TNS3: variants seen among roughly 807,000 people sequenced by gnomAD.
TNS3 encodes tensin 3.
In TNS3, 45 loss-of-function variants were observed where a neutral mutation model predicts 140.9. That is an observed-to-expected ratio of 0.32 (90% confidence interval 0.25 to 0.41). The LOEUF is 0.41. Among genes scored for constraint, TNS3 ranks in the 10% least tolerant of loss-of-function variants. The probability of loss-of-function intolerance (pLI) is 1.00; values close to 1 mark genes in which losing one functional copy is unlikely to be tolerated. For synonymous variants in TNS3, 815 were observed against 788.4 expected (o/e 1.03, Z -0.56); for missense variants, 1,716 against 1,906.7 (o/e 0.90, Z 1.86).
At chr7:47,287,994 T>G (rs190293707) in intron 27 of TNS3, among the ~76,000 whole-genome samples, 360 of 152,320 alleles carry the variant, frequency 2.4e-3, no homozygotes, top group Admixed American at 3.8e-3. Context: ...AGTTTTAATA[T>G]CTAAAAACAA....
intron 4 of TNS3, among the ~76,000 whole-genome samples, chr7:47,460,864 T>C (rs1395797979): frequency 6.6e-6 from 1 of 152,190 alleles, no homozygotes; most frequent in Non-Finnish European, 1.5e-5. Context: ...ATCCAACTAC[T>C]TTCAGCTCTT....
chr7:47,321,782 C>T (rs1787748611), intron 20 of TNS3, among the ~76,000 whole-genome samples: 1 of 152,116 alleles, frequency 6.6e-6, no homozygotes, highest in Non-Finnish European at 1.5e-5. Context: ...TCAAATAGAC[C>T]AAATTGTCCT....
In TNS3 at chr7:47,389,154, A is replaced by AAGAAGAAGAAGAAGAAGAAGCAGC. The variant is rs1340201271; in HGVS notation, c.1024+7645_1024+7646insGCTGCTTCTTCTTCTTCTTCTTCT. Among the ~76,000 whole-genome samples, 8 of 82,294 alleles carry AAGAAGAAGAAGAAGAAGAAGCAGC rather than the reference A, an allele frequency of 9.7e-5. 3 individuals are homozygous for AAGAAGAAGAAGAAGAAGAAGCAGC. Among genetic ancestry groups the AAGAAGAAGAAGAAGAAGAAGCAGC allele is most frequent in the African/African-American group, 3.4e-4 (8 of 23,746 alleles). The allele number at this position is 82,294 out of a possible 152,430, so 54.0% of individuals were successfully genotyped here. A position where few individuals can be genotyped will look rare whatever the true frequency, so the allele number is the denominator to read the frequency against. ...GAAGAAGAAGAAGAAGAAGAAGAAG[A>AAGAAGAAGAAGAAGAAGAAGCAGC]AGCAGAAGAAGCAGCAGAAGCAGAA... On this transcript the variant is annotated intron_variant, in intron 16 of 30. Transcript: ENST00000311160.
At chr7:47,494,668 GAC>G (rs377385738) in intron 3 of TNS3, among the ~76,000 whole-genome samples, 1 of 152,064 alleles carries the variant, frequency 6.6e-6, no homozygotes, top group Non-Finnish European at 1.5e-5. Context: ...AGGGTGCACA[GAC>G]ACACACACAG....
intron 8 of TNS3, among the ~76,000 whole-genome samples, chr7:47,433,727 C>T (rs536303700): frequency 6.6e-6 from 1 of 152,282 alleles, no homozygotes; most frequent in Non-Finnish European, 1.5e-5. Context: ...AGGCTCACAG[C>T]TCAGGAATGC....
At chr7:47,349,917 T>C (rs1407688925) in intron 17 of TNS3, among the ~76,000 whole-genome samples, 1 of 152,220 alleles carries the variant, frequency 6.6e-6, no homozygotes, top group Non-Finnish European at 1.5e-5. Flanking sequence ...TATCACTCCA[T>C]TAAGGCGGCC....
At chr7:47,392,084 A>G (rs1316171206) in intron 16 of TNS3, among the ~76,000 whole-genome samples, 1 of 152,276 alleles carries the variant, frequency 6.6e-6, no homozygotes, top group East Asian at 1.9e-4. Context: ...TTAAAACACC[A>G]TAGTGAGGCT....
chr7:47,380,714 T>C (rs1791700439), intron 16 of TNS3, among the ~76,000 whole-genome samples: 1 of 151,832 alleles, frequency 6.6e-6, no homozygotes. Flanking sequence ...GCCACACACA[T>C]GCACACACAC....
intron 9 of TNS3, among the ~76,000 whole-genome samples, chr7:47,426,172 C>T (rs1392795534): frequency 6.6e-6 from 1 of 152,044 alleles, no homozygotes; most frequent in Non-Finnish European, 1.5e-5. Flanking sequence ...ATCCCAGCTA[C>T]TTGAGAGGCT....
intron 15 of TNS3, among the ~76,000 whole-genome samples, chr7:47,397,500 A>G (rs567922743): frequency 9.3e-4 from 142 of 152,354 alleles, no homozygotes; most frequent in Non-Finnish European, 1.9e-3. Flanking sequence ...CTTTTGAAAT[A>G]TATTTTTTAG....
intron 5 of TNS3, among the ~76,000 whole-genome samples, chr7:47,441,617 C>T (rs1369524265): frequency 6.6e-6 from 1 of 152,192 alleles, no homozygotes; most frequent in Non-Finnish European, 1.5e-5. Flanking sequence ...AGAAATAAAG[C>T]GCTTCCTACG....
rs1471819010 is a variant in TNS3, at chr7:47,396,823, T to A, written c.1001A>T (p.Glu334Val). 6.2e-7 allele frequency: 1 copy of A among 1,614,038 alleles called. No individual in the cohort carries two copies. Among genetic ancestry groups the A allele is most frequent in the African/African-American group, 1.3e-5 (1 of 74,930 alleles). The change falls in exon 16 of 31, where the codon GAG becomes GTG. Residue 334 changes from glutamate (E) to valine (V), a missense_variant. By Grantham distance (121) the Glu-to-Val change is moderately radical. Around this residue, in one of 3 missense-constraint regions of TNS3, gnomAD observed 1,163 missense variants for 1,182.1 expected, o/e 0.98. Coordinates refer to ENST00000311160, the MANE Select transcript of TNS3 (RefSeq NM_022748.12). ...TDPLIRWDSY[E>V]NLSADGEVLH... Reference sequence around the variant, plus strand: ...ACCTTCTCCATCTGCACTGAGGTTCTCGTACGAGTCCCAGCGTATCAGTGG... The same window carrying A: ...ACCTTCTCCATCTGCACTGAGGTTCACGTACGAGTCCCAGCGTATCAGTGG...
rs1235218685 is a variant in TNS3 at position 47,368,397 on chromosome 7, C to T, written c.2249G>A (p.Gly750Glu). The T allele has an allele frequency of 1.3e-6, 2 of 1,510,964 alleles. No individual in the cohort carries two copies. Among genetic ancestry groups the T allele is most frequent in the Non-Finnish European group, 1.8e-6 (2 of 1,127,076 alleles). 93.6% of individuals were successfully genotyped at this position (1,510,964 alleles called of 1,614,324 possible). ...LRASSRLPDT[G>E]EGPSRATGRQ... ...CCCGGTGGCCCTGCTGGGGCCCTCT[C>T]CTGTGTCAGGCAGCCTGCTGCTTGC... Residue 750 changes from glycine (G) to glutamate (E), a missense_variant, in exon 17 of 31, where the codon GGA becomes GAA. Transcript: ENST00000311160.
At chr7:47,400,197 G>A (rs949383900) in intron 15 of TNS3, among the ~76,000 whole-genome samples, 196 bp downstream of exon 15, 4 of 152,166 alleles carry the variant, frequency 2.6e-5, no homozygotes, top group South Asian at 2.1e-4. Context: ...AGCAAGTCAC[G>A]CCACTTCTGG....
chr7:47,455,461 T>A (rs1796207387), intron 4 of TNS3, among the ~76,000 whole-genome samples: 1 of 152,076 alleles, frequency 6.6e-6, no homozygotes, highest in Admixed American at 6.5e-5. Context: ...ATCAGATTCA[T>A]ATGGATAACC....
intron 27 of TNS3, among the ~76,000 whole-genome samples, chr7:47,285,523 GC>G (rs1785371148): frequency 6.6e-6 from 1 of 152,096 alleles, no homozygotes; most frequent in Non-Finnish European, 1.5e-5. Flanking sequence ...CTCTTCCTTT[GC>G]CTTCTACCAT....
At chr7:47,332,996 A>G (rs1788427322) in intron 20 of TNS3, among the ~76,000 whole-genome samples, 1 of 152,264 alleles carries the variant, frequency 6.6e-6, no homozygotes, top group African/African-American at 2.4e-5. Context: ...CTAAACCCAA[A>G]GTGAGCAAAC....
intron 1 of TNS3, among the ~76,000 whole-genome samples, chr7:47,548,349 TC>T (rs1799977247): frequency 6.6e-6 from 1 of 152,168 alleles, no homozygotes; most frequent in African/African-American, 2.4e-5. Flanking sequence ...TCTCTGCTGT[TC>T]CCCTTATAGG....
At chr7:47,280,037 T>A in intron 30 of TNS3, 127 bp downstream of exon 30, 1 of 1,161,792 alleles carries the variant, frequency 8.6e-7, no homozygotes, top group Non-Finnish European at 1.2e-6. Context: ...TTTTTCTTTT[T>A]TAAAAGAAAT....
Sources: allele counts gnomAD v4.1 joint callset (sites outside exome capture counted in the v4.1 genomes callset), GRCh38; gene constraint gnomAD v4.1.1; regional missense constraint gnomAD v4.1.1; transcripts MANE v1.5; gene names NCBI Gene and HGNC (gene_info 2026-07-23, HGNC 2026-07-21).